Variants in R3HDM2 observed in about 807,000 individuals in gnomAD.
R3HDM2 encodes R3H domain containing 2, also known as R3H domain-containing protein 2.
In R3HDM2, 38 loss-of-function variants were observed where a neutral mutation model predicts 124.5. That is an observed-to-expected ratio of 0.31 (90% CI 0.24 to 0.40). The LOEUF (loss-of-function observed/expected upper bound fraction) is 0.40. Ranked by LOEUF, R3HDM2 falls within the 10% of genes least tolerant of loss-of-function variation. The pLI is 1.00. For synonymous variants in R3HDM2, 391 were observed against 448.0 expected (o/e 0.87, Z 1.61); for missense variants, 869 against 1,236.9 (o/e 0.70, Z 4.46).
At chr12:57,409,512 C>CAAAAAAAAAAAA (rs71448520) in intron 1 of R3HDM2, among the ~76,000 whole-genome samples, 1 of 98,200 alleles carries the variant, frequency 1.0e-5, no homozygotes, top group Non-Finnish European at 2.1e-5. Flanking sequence ...AGAGGTGGGG[C>CAAAAAAAAAAAA]AAAAAAAAAA....
At chr12:57,330,658 T>C (rs2058019861) in intron 2 of R3HDM2, among the ~76,000 whole-genome samples, 1 of 150,936 alleles carries the variant, frequency 6.6e-6, no homozygotes, top group Non-Finnish European at 1.5e-5. Context: ...ATTTATTAAT[T>C]CTAAAGTGAT....
At position 57,258,870 on chromosome 12, in the gene R3HDM2, A is replaced by C; in HGVS notation, c.2301+20T>G. ...ATACGGTCATCTCCTTGCCAAGACA[A>C]GGCTGAGTGCTGCACTCACCTGGGG... On this transcript the variant is annotated intron_variant, in intron 20 of 23. Coordinates refer to ENST00000402412, the MANE Select transcript of R3HDM2 (RefSeq NM_001394031.1). 1 of 1,492,774 alleles carries C rather than the reference A, an allele frequency of 6.7e-7. No homozygotes were observed. The highest frequency in any genetic ancestry group is 8.9e-7 in the Non-Finnish European group (1 of 1,118,208). The allele number at this position is 1,492,774 out of a possible 1,614,324, so 92.5% of individuals were successfully genotyped here.
At chr12:57,352,562 G>A (rs1026831699) in intron 2 of R3HDM2, among the ~76,000 whole-genome samples, 5 of 149,068 alleles carry the variant, frequency 3.4e-5, no homozygotes, top group African/African-American at 9.9e-5. Flanking sequence ...GCATGATCTC[G>A]GCTCACTGCA....
chr12:57,289,155 C>T, intron 11 of R3HDM2, 115 bp from the exon 12 acceptor site: 3 of 1,009,782 alleles, frequency 3.0e-6, no homozygotes, highest in Middle Eastern at 2.7e-4. Context: ...GCTCACCCCA[C>T]CAACAGGGAG....
intron 19 of R3HDM2, among the ~76,000 whole-genome samples, chr12:57,263,196 A>T (rs550051073): frequency 3.3e-5 from 5 of 152,318 alleles, no homozygotes; most frequent in Non-Finnish European, 7.4e-5. Context: ...CCCAATAGAT[A>T]TAAGGACATG....
At chr12:57,279,055 CT>C (rs1187286348) in intron 14 of R3HDM2, among the ~76,000 whole-genome samples, 1 of 152,018 alleles carries the variant, frequency 6.6e-6, no homozygotes, top group Non-Finnish European at 1.5e-5. Context: ...GACACATGGG[CT>C]TTCCAGCTAC....
At chr12:57,425,917 T>C (rs754729239) in intron 1 of R3HDM2, among the ~76,000 whole-genome samples, 3 of 151,836 alleles carry the variant, frequency 2.0e-5, no homozygotes. Flanking sequence ...AGGTAACTAA[T>C]GTACCAACCA....
chr12:57,297,489 C>T (rs2050135870), intron 7 of R3HDM2, 102 bp from the exon 8 acceptor site: 2 of 684,774 alleles, frequency 2.9e-6, no homozygotes, highest in Non-Finnish European at 4.9e-6. Flanking sequence ...ATTACAGAAG[C>T]TGAAAAAGGT....
At chr12:57,359,800 C>T (rs2061669157) in intron 2 of R3HDM2, among the ~76,000 whole-genome samples, 1 of 151,772 alleles carries the variant, frequency 6.6e-6, no homozygotes, top group South Asian at 2.1e-4. Context: ...AATTTTATCT[C>T]CTTTATTGGC....
At chr12:57,394,892 T>G (rs190668715) in intron 2 of R3HDM2, among the ~76,000 whole-genome samples, 2 of 152,300 alleles carry the variant, frequency 1.3e-5, no homozygotes, top group Admixed American at 6.5e-5. Flanking sequence ...TTTTAACTAT[T>G]TCAAAACATT....
intron 2 of R3HDM2, among the ~76,000 whole-genome samples, chr12:57,322,011 C>T (rs374690116): frequency 7.2e-5 from 11 of 152,216 alleles, no homozygotes; most frequent in Middle Eastern, 3.4e-3. Flanking sequence ...GGGCGGATCA[C>T]GAGGCCAGGA....
intron 20 of R3HDM2, 33 bp from the exon 21 acceptor site, chr12:57,258,170 A>G: frequency 6.8e-7 from 1 of 1,479,412 alleles, no homozygotes. Context: ...TCACATAAAC[A>G]TCAAACATTA....
intron 2 of R3HDM2, among the ~76,000 whole-genome samples, chr12:57,330,408 A>T (rs1042442163): frequency 2.0e-5 from 3 of 151,756 alleles, no homozygotes; most frequent in Admixed American, 6.6e-5. Context: ...CAATGACACA[A>T]CCTCAGCTCA....
At chr12:57,289,319 G>A (rs556306117) in intron 11 of R3HDM2, among the ~76,000 whole-genome samples, 1 of 152,194 alleles carries the variant, frequency 6.6e-6, no homozygotes. Context: ...GAAGAGGAAA[G>A]TATTAACCTA....
Position 57,256,057 on chromosome 12 carries a change from C to T in R3HDM2, c.2565G>A (p.Lys855=), listed in dbSNP as rs4075325. ...CTTGTCTCTTGCCCCGGTTTCCATG[C>T]TTCAGTCCACTCTGTCCCTTCAACA... The part of the protein sequence containing the change: ...YTVHQGQSGL[K]HGNRGKRQAL... The change falls in exon 23 of 24, where the codon AAG becomes AAA. Residue 855 remains lysine (K), a synonymous_variant. Coordinates refer to ENST00000402412, the MANE Select transcript of R3HDM2 (RefSeq NM_001394031.1). 767,887 of 1,612,056 alleles carry T rather than the reference C, an allele frequency of 0.48. 187,800 individuals carry two copies. The highest frequency in any genetic ancestry group is 0.59 in the Admixed American group (35,072 of 59,916).
chr12:57,339,894 A>G (rs903050039), intron 2 of R3HDM2, among the ~76,000 whole-genome samples: 3 of 152,200 alleles, frequency 2.0e-5, no homozygotes, highest in Non-Finnish European at 2.9e-5. Context: ...ACAACCATTT[A>G]TAAAAGTTGT....
intron 17 of R3HDM2, chr12:57,268,686 T>C: frequency 1.4e-6 from 1 of 691,712 alleles, no homozygotes; most frequent in Non-Finnish European, 2.4e-6. Flanking sequence ...CCTGATTTCC[T>C]TTAGCCACTA....
chr12:57,427,916 G>C (rs1868328230), intron 1 of R3HDM2, among the ~76,000 whole-genome samples: 2 of 151,788 alleles, frequency 1.3e-5, no homozygotes, highest in Non-Finnish European at 2.9e-5. Flanking sequence ...AGGAGTTGAA[G>C]ACCAGCCTGG....
chr12:57,366,400 C>T (rs2062660642), intron 2 of R3HDM2, among the ~76,000 whole-genome samples: 1 of 152,150 alleles, frequency 6.6e-6, no homozygotes, highest in Non-Finnish European at 1.5e-5. Flanking sequence ...TCTGCTGTGC[C>T]GATCTGCTGT....
Sources: gnomAD v4.1 joint callset for allele counts (sites outside exome capture counted in the v4.1 genomes callset) on GRCh38, gnomAD v4.1.1 for gene constraint, MANE v1.5 for transcripts, NCBI Gene and HGNC (gene_info 2026-07-23, HGNC 2026-07-21) for gene names.